Variants in KMT2D observed in about 807,000 individuals in gnomAD.
KMT2D encodes histone-lysine N-methyltransferase 2D.
Under a neutral mutation model 512.7 loss-of-function variants are expected in KMT2D, and 55 were observed. The ratio of observed to expected loss-of-function variants is 0.11; its 90% confidence interval spans 0.09 to 0.13. KMT2D has a LOEUF of 0.13. Among genes scored for constraint, KMT2D ranks in the 10% least tolerant of loss-of-function variants. The pLI, the probability that KMT2D is intolerant of heterozygous loss-of-function variation, is 1.00. For synonymous variants in KMT2D, 2,995 were observed against 2,904.0 expected (o/e 1.03, Z -1.01); for missense variants, 6,061 against 7,127.9 (o/e 0.85, Z 5.39).
chr12:49,053,089 G>C lies in KMT2D; in HGVS notation c.955-17C>G. The C allele has an allele frequency of 6.2e-7, 1 of 1,613,892 alleles. No homozygotes were observed. The highest frequency in any genetic ancestry group is 1.1e-5 in the South Asian group (1 of 91,080). ...CCGGCACGCCTAAGGGAAGGGAGTG[G>C]GCAAAACAGGCATTGGTCAGACAGC... On this transcript the variant is annotated splice_polypyrimidine_tract_variant and intron_variant, in intron 8 of 54. Transcript: ENST00000301067.
At position 49,049,724 on chromosome 12, in the gene KMT2D, C is replaced by G; in HGVS notation, c.3864G>C (p.Lys1288Asn). Residue 1288 changes from lysine (K) to asparagine (N), a missense_variant, in exon 12 of 55, where the codon AAG becomes AAC. Lys to Asn is a moderately conservative substitution (Grantham distance 94). Transcript: ENST00000301067. Reference protein sequence around the residue: ...AISGGKAEGEKGRRRSSPARS... With the variant: ...AISGGKAEGENGRRRSSPARS... ...GGGCTGGGGAGCTGCGCCGCCGCCCCTTCTCCCCCTCAGCTTTGCCTCCGC... is the reference window on the plus strand; with the variant it reads ...GGGCTGGGGAGCTGCGCCGCCGCCCGTTCTCCCCCTCAGCTTTGCCTCCGC... 1 of 1,603,786 alleles carries G rather than the reference C, an allele frequency of 6.2e-7. No individual in the cohort carries two copies. The highest frequency in any genetic ancestry group is 8.5e-7 in the Non-Finnish European group (1 of 1,171,722).
chr12:49,029,926 C>A (rs1942814546), intron 43 of KMT2D, among the ~76,000 whole-genome samples: 1 of 152,150 alleles, frequency 6.6e-6, no homozygotes, highest in South Asian at 2.1e-4. Flanking sequence ...TCACACAAGT[C>A]AATCAAGTTA....
rs2120608816 is a variant in KMT2D at position 49,046,576 on chromosome 12, C to T, written c.4418+33G>A. On this transcript the variant is annotated intron_variant, in intron 16 of 54. Coordinates refer to ENST00000301067, the MANE Select transcript of KMT2D (RefSeq NM_003482.4). The surrounding 1 kb of genome is among the most constrained non-coding windows in gnomAD (Gnocchi z 4.2). Reference sequence around the variant, plus strand: ...ATATCCACTTTAACATCTCAAGGCCCCAGGGCTCCACTGAAGATCCCAGTC... The same window carrying T: ...ATATCCACTTTAACATCTCAAGGCCTCAGGGCTCCACTGAAGATCCCAGTC... 6.3e-7 allele frequency: 1 copy of T among 1,596,330 alleles called. No individual in the cohort carries two copies.
rs2120475099 is a variant in KMT2D at position 49,037,172 on chromosome 12, T to C, written c.10184A>G (p.Gln3395Arg). 1 of 1,596,110 alleles carries C rather than the reference T, an allele frequency of 6.3e-7. No homozygotes were observed. Among genetic ancestry groups the C allele is most frequent in the Non-Finnish European group, 8.6e-7 (1 of 1,166,562 alleles). Reference sequence around the variant, plus strand: ...TGCCAGCTGCTGCTGCATTGCCAATTGCTGCGGCTTCATGCACATGGAAGG... The same window carrying C: ...TGCCAGCTGCTGCTGCATTGCCAATCGCTGCGGCTTCATGCACATGGAAGG... ...MPPSMCMKPQQLAMQQQLANS... is the reference protein window; with the variant it reads ...MPPSMCMKPQRLAMQQQLANS... The change falls in exon 35 of 55, where the codon CAA becomes CGA. Residue 3395 changes from glutamine (Q) to arginine (R), a missense_variant. By Grantham distance (43) the Gln-to-Arg change is conservative. This residue lies in a region of KMT2D where 533 missense variants were observed against 539.6 expected (regional missense o/e 0.99). Coordinates refer to ENST00000301067, the MANE Select transcript of KMT2D (RefSeq NM_003482.4).
Position 49,031,977 on chromosome 12 carries a change from T to C in KMT2D, c.12728A>G (p.Tyr4243Cys). The C allele has an allele frequency of 3.2e-6, 5 of 1,574,678 alleles. No individual in the cohort carries two copies. The highest frequency in any genetic ancestry group is 2.6e-6 in the Non-Finnish European group (3 of 1,157,894). ...QSQAVRQTPP[Y>C]QEPGTQTSPL... The stretch of plus-strand genomic sequence containing the variant: ...AGAGGTCTGGGTCCCAGGCTCCTGG[T>C]AGGGTGGGGTCTGGCGTACTGCCTG... The change falls in exon 40 of 55, where the codon TAC becomes TGC. Residue 4243 changes from tyrosine to cysteine, a missense_variant. Physicochemically the swap from Tyr to Cys is radical, Grantham distance 194. Coordinates refer to ENST00000301067, the MANE Select transcript of KMT2D (RefSeq NM_003482.4).
Position 49,033,960 on chromosome 12 carries a change from C to T in KMT2D, c.10745G>A (p.Arg3582Gln), listed in dbSNP as rs2120449499. 6.5e-7 allele frequency: 1 copy of T among 1,531,326 alleles called. No individual in the cohort carries two copies. The highest frequency in any genetic ancestry group is 8.8e-7 in the Non-Finnish European group (1 of 1,137,898). 94.9% of individuals were successfully genotyped at this position (1,531,326 alleles called of 1,614,324 possible). A position where few individuals can be genotyped will look rare whatever the true frequency, so the allele number is the denominator to read the frequency against. Residue 3582 changes from arginine to glutamine, a missense_variant, in exon 40 of 55, where the codon CGG (arginine) becomes CAG (glutamine). Physicochemically the swap from Arg to Gln is conservative, Grantham distance 43. Around this residue, in one of 16 missense-constraint regions of KMT2D, gnomAD observed 50 missense variants for 119.9 expected, o/e 0.42. Transcript: ENST00000301067. The stretch of plus-strand genomic sequence containing the variant: ...ATTAGTGTGCTCCTTCTGCTGTTTC[C>T]GGACCTAACATGGGAGGGTCGGAGA... ...SKIQKQLDQV[R>Q]KQQKEHTNLM...
rs761525910 is a variant in KMT2D, at chr12:49,054,738, G to A, written c.190C>T (p.Arg64Trp). 12 of 1,613,616 alleles carry A rather than the reference G, an allele frequency of 7.4e-6. No individual in the cohort carries two copies. Among genetic ancestry groups the A allele is most frequent in the South Asian group, 4.4e-5 (4 of 91,066 alleles). The change falls in exon 4 of 55, where the codon CGG (arginine) becomes TGG (tryptophan). Residue 64 changes from arginine to tryptophan, a missense_variant. This residue lies in a region of KMT2D where 144 missense variants were observed against 165.7 expected (regional missense o/e 0.87). Coordinates refer to ENST00000301067, the MANE Select transcript of KMT2D (RefSeq NM_003482.4). This position sits in a 1 kb window ranked among gnomAD's most constrained non-coding sequence, Gnocchi z 6.4. ...TPQDCSGGPVRRCALCNCGEP... is the reference protein window; with the variant it reads ...TPQDCSGGPVWRCALCNCGEP... The stretch of plus-strand genomic sequence containing the variant: ...CCGCAGTTACAGAGAGCACAACGCC[G>A]CACCGGACCCCCACTGTGGACACAC...
In KMT2D at chr12:49,040,459, T is replaced by C. The variant is rs1180431920; in HGVS notation, c.7311A>G (p.Pro2437=). The part of the protein sequence containing the change: ...PRPLSAEAFC[P]SPVTPRFQSP... ...ACTGGAAGCGAGGGGTAACGGGTGATGGGCAAAAAGCTTCAGCAGACAGAG... is the reference window on the plus strand; with the variant it reads ...ACTGGAAGCGAGGGGTAACGGGTGACGGGCAAAAAGCTTCAGCAGACAGAG... Residue 2437 remains proline, a synonymous_variant, in exon 32 of 55, where the codon CCA becomes CCG. Transcript: ENST00000301067. The C allele has an allele frequency of 1.3e-6, 2 of 1,562,514 alleles. No individual in the cohort carries two copies. The highest frequency in any genetic ancestry group is 1.4e-5 in the African/African-American group (1 of 73,364).
chr12:49,052,445 T>G, intron 10 of KMT2D, 21 bp from the exon 11 acceptor site: 1 of 1,539,588 alleles, frequency 6.5e-7, no homozygotes, highest in South Asian at 1.3e-5. Context: ...AACAACACGA[T>G]GCTCCTATCT....
At position 49,040,546 on chromosome 12, in the gene KMT2D, G is replaced by T. The variant is rs775871588; in HGVS notation, c.7224C>A (p.Phe2408Leu). 4 of 1,608,240 alleles carry T rather than the reference G, an allele frequency of 2.5e-6. No homozygotes were observed. In the South Asian group the frequency reaches 4.4e-5, roughly 18 times the overall value. The change falls in exon 32 of 55, where the codon TTC becomes TTA. Residue 2408 changes from phenylalanine (F) to leucine (L), a missense_variant. By Grantham distance (22) the Phe-to-Leu change is conservative. Transcript: ENST00000301067. ...LPPRSLPSDP[F>L]SRVPASPQSQ... is the part of the protein sequence containing the mutation. ...ACTGAGGACTGGCAGGCACTCGGGA[G>T]AAAGGGTCGGAGGGCAGTGAGCGAG...
intron 10 of KMT2D, 38 bp downstream of exon 10, chr12:49,052,526 A>T: frequency 6.2e-7 from 1 of 1,606,516 alleles, no homozygotes. Flanking sequence ...CATAGAATAA[A>T]AGGGGATGAA....
In KMT2D at chr12:49,040,335, A is replaced by C; in HGVS notation, c.7435T>G (p.Phe2479Val). The stretch of plus-strand genomic sequence containing the variant: ...GTGTGGGCTAGAGACCCAGCCTTAA[A>C]GGCAACTTCAGGGGGCTGGGGTCGG... ...PPRPQPPEVA[F>V]KAGSLAHTSL... Residue 2479 changes from phenylalanine to valine, a missense_variant, in exon 32 of 55, where the codon TTT (phenylalanine) becomes GTT (valine). Phe to Val is a conservative substitution (Grantham distance 50). Coordinates refer to ENST00000301067, the MANE Select transcript of KMT2D (RefSeq NM_003482.4). The C allele has an allele frequency of 6.4e-7, 1 of 1,570,482 alleles. No homozygotes were observed. Among genetic ancestry groups the C allele is most frequent in the Non-Finnish European group, 8.6e-7 (1 of 1,157,972 alleles).
At chr12:49,048,201 T>C (rs1012296965) in intron 14 of KMT2D, 132 bp from the exon 15 acceptor site, 1 of 604,646 alleles carries the variant, frequency 1.7e-6, no homozygotes, top group South Asian at 2.3e-5. Context: ...TAGGATGCTG[T>C]AAGCTACCAA....
At chr12:49,043,210 T>C in intron 25 of KMT2D, 24 bp from the exon 26 acceptor site, 1 of 1,605,000 alleles carries the variant, frequency 6.2e-7, no homozygotes, top group Non-Finnish European at 8.5e-7. Context: ...GAGAAACCCA[T>C]GGGTCAAGGC....
At position 49,053,612 on chromosome 12, in the gene KMT2D, G is replaced by A. The variant is rs376909620; in HGVS notation, c.703C>T (p.Pro235Ser). The part of the protein sequence containing the change: ...EEARCAVCEG[P>S]GELCDLFFCT... ...AAGAACAGGTCACACAACTCCCCTGGCCCCTCACACACTGCACAGCGAGCC... is the reference window on the plus strand; with the variant it reads ...AAGAACAGGTCACACAACTCCCCTGACCCCTCACACACTGCACAGCGAGCC... Residue 235 changes from proline (P) to serine (S), a missense_variant, in exon 7 of 55, where the codon CCA (proline) becomes TCA (serine). Physicochemically the swap from Pro to Ser is moderately conservative, Grantham distance 74. This residue lies in a region of KMT2D where 160 missense variants were observed against 225.8 expected (regional missense o/e 0.71). Transcript: ENST00000301067. 1 of 1,597,488 alleles carries A rather than the reference G, an allele frequency of 6.3e-7. No individual in the cohort carries two copies. The highest frequency in any genetic ancestry group is 1.1e-5 in the South Asian group (1 of 88,106).
intron 44 of KMT2D, 64 bp from the exon 45 acceptor site, chr12:49,029,300 T>C (rs1477045554): frequency 2.5e-6 from 4 of 1,593,128 alleles, no homozygotes; most frequent in Non-Finnish European, 3.4e-6. Flanking sequence ...AATCTAGAGA[T>C]GAATAGATGT....
At position 49,022,897 on chromosome 12, in the gene KMT2D, G is replaced by C. The variant is rs991859389; in HGVS notation, c.16053-22C>G. On this transcript the variant is annotated intron_variant, in intron 51 of 54. Coordinates refer to ENST00000301067, the MANE Select transcript of KMT2D (RefSeq NM_003482.4). The surrounding 1 kb of genome is among the most constrained non-coding windows in gnomAD (Gnocchi z 8.6). ...GGGCCTGGGAGGTGATATAATCCAT[G>C]ACAAGACAGCTCTCCCTCAGACCAA... is the stretch of plus-strand genomic sequence containing the variant. 3 of 1,556,096 alleles carry C rather than the reference G, an allele frequency of 1.9e-6. No homozygotes were observed. The highest frequency in any genetic ancestry group is 3.7e-5 in the Admixed American group (2 of 54,276).
In KMT2D at chr12:49,021,132, G is replaced by A. The variant is rs967755036; in HGVS notation, c.*648C>T. 2 of 198,984 alleles carry A rather than the reference G, an allele frequency of 1.0e-5. No homozygotes were observed. The highest frequency in any genetic ancestry group is 2.1e-5 in the Non-Finnish European group (2 of 96,198). 12.3% of individuals were successfully genotyped at this position (198,984 alleles called of 1,614,324 possible). ...GTGTGGGTGCGGGGTCTCCTTGCCCGGCTTGCCCAGCTTGCCCTCCTAGGC... is the reference window on the plus strand; with the variant it reads ...GTGTGGGTGCGGGGTCTCCTTGCCCAGCTTGCCCAGCTTGCCCTCCTAGGC... On this transcript the variant is annotated 3_prime_UTR_variant, in exon 55 of 55. Coordinates refer to ENST00000301067, the MANE Select transcript of KMT2D (RefSeq NM_003482.4).
In KMT2D at chr12:49,052,605, G is replaced by C. The variant is rs2120689385; in HGVS notation, c.1217C>G (p.Pro406Arg). 1 of 1,613,460 alleles carries C rather than the reference G, an allele frequency of 6.2e-7. No individual in the cohort carries two copies. Among genetic ancestry groups the C allele is most frequent in the Non-Finnish European group, 8.5e-7 (1 of 1,179,622 alleles). ...PKGGHVTSMQ[P>R]KEPGPLQCEA... ...ACATTGCAGGGGCCCTGGTTCCTTG[G>C]GTTGCATAGAGGTCACGTGCCCACC... Residue 406 changes from proline (P) to arginine (R), a missense_variant, in exon 10 of 55, where the codon CCC becomes CGC. Transcript: ENST00000301067.
Sources: allele counts gnomAD v4.1 joint callset (sites outside exome capture counted in the v4.1 genomes callset), GRCh38; gene constraint gnomAD v4.1.1; regional missense constraint gnomAD v4.1.1; non-coding constraint Gnocchi (gnomAD v3.1); transcripts MANE v1.5; gene names NCBI Gene and HGNC (gene_info 2026-07-23, HGNC 2026-07-21).